Variants in ATP10A observed in about 807,000 individuals in gnomAD.
ATP10A encodes the protein ATPase phospholipid transporting 10A (putative), also known as phospholipid-transporting ATPase VA.
Under a neutral mutation model 147.8 loss-of-function variants are expected in ATP10A, and 111 were observed. That is an observed-to-expected ratio of 0.75 (90% CI 0.64 to 0.88). ATP10A has a LOEUF of 0.88. ATP10A is among the 40% of genes least tolerant of loss of function. The pLI is 0.00. For missense variants in ATP10A, 1,927 were observed against 1,959.0 expected, an observed-to-expected ratio of 0.98 and a Z score of 0.31; for synonymous variants, 875 against 841.6, an observed-to-expected ratio of 1.04 and a Z score of -0.69.
At chr15:25,826,360 G>A (rs952369251) in intron 1 of ATP10A, among the ~76,000 whole-genome samples, 1 of 152,200 alleles carries the variant, frequency 6.6e-6, no homozygotes, top group Non-Finnish European at 1.5e-5. Context: ...ATGAGTTTGA[G>A]ACCAACCTGA....
chr15:25,825,411 T>C (rs1892073378), intron 1 of ATP10A, among the ~76,000 whole-genome samples: 2 of 152,104 alleles, frequency 1.3e-5, no homozygotes, highest in Admixed American at 1.3e-4. Flanking sequence ...CTCAGAGCTA[T>C]GCATACACTC....
intron 1 of ATP10A, among the ~76,000 whole-genome samples, chr15:25,793,637 T>A (rs1890536335): frequency 6.6e-6 from 1 of 152,246 alleles, no homozygotes; most frequent in African/African-American, 2.4e-5. Context: ...GAGTGGTTAC[T>A]ATTTTGGTTA....
At chr15:25,865,046 A>T (rs1396628133), upstream of ATP10A, 1 of 152,244 alleles carries the variant, frequency 6.6e-6, no homozygotes, top group Non-Finnish European at 1.5e-5. Flanking sequence ...CCTGGTGCTT[A>T]CAAAGCCAAA....
chr15:25,792,907 G>C (rs564337958), intron 1 of ATP10A, among the ~76,000 whole-genome samples: 1 of 130,196 alleles, frequency 7.7e-6, no homozygotes, highest in South Asian at 2.4e-4. Flanking sequence ...TTTTGCTCTC[G>C]TTCCCCAGGC....
intron 1 of ATP10A, among the ~76,000 whole-genome samples, chr15:25,846,363 A>G (rs923210614): frequency 2.0e-5 from 3 of 152,242 alleles, no homozygotes; most frequent in Non-Finnish European, 2.9e-5. Context: ...AGCACAAGAT[A>G]GAACACGCTT....
At chr15:25,862,142 G>A in intron 1 of ATP10A, 1 of 394,170 alleles carries the variant, frequency 2.5e-6, no homozygotes, top group Non-Finnish European at 5.2e-6. Flanking sequence ...CTGGTACCTG[G>A]GCCGTGCCAG....
chr15:25,690,756 A>T (rs775284123), intron 15 of ATP10A, among the ~76,000 whole-genome samples: 2 of 152,230 alleles, frequency 1.3e-5, no homozygotes, highest in Admixed American at 6.5e-5. Flanking sequence ...AAGGTGCCAC[A>T]CTGGGCACTG....
At chr15:25,674,550 TA>T (rs1899100443), downstream of ATP10A, among the ~76,000 whole-genome samples, 1 of 152,176 alleles carries the variant, frequency 6.6e-6, no homozygotes, top group South Asian at 2.1e-4. Flanking sequence ...AATAAATAAA[TA>T]AAAAGAAACT....
At chr15:25,864,762 C>T (rs1893916182), upstream of ATP10A, among the ~76,000 whole-genome samples, 1 of 152,180 alleles carries the variant, frequency 6.6e-6, no homozygotes, top group South Asian at 2.1e-4. Context: ...AACGGAGCAT[C>T]AACTGCAAAT....
At chr15:25,811,433 T>G (rs1018967548) in intron 1 of ATP10A, among the ~76,000 whole-genome samples, 4 of 151,980 alleles carry the variant, frequency 2.6e-5, no homozygotes, top group African/African-American at 9.7e-5. Context: ...GAAGTAAGGA[T>G]GAGGAGACAA....
At chr15:25,732,672 CAG>C (rs1256244691) in intron 3 of ATP10A, among the ~76,000 whole-genome samples, 1 of 147,580 alleles carries the variant, frequency 6.8e-6, no homozygotes, top group African/African-American at 2.5e-5. Flanking sequence ...TCTCCTGCCT[CAG>C]CCACCCGAGT....
At position 25,699,067 on chromosome 15, in the gene ATP10A, G is replaced by C. The variant is rs747923982; in HGVS notation, c.2760+2849C>G. ...AAAATTCAAATAAAAGCTCCAGCAG[G>C]AATTTCTGAACAGAAAAATTAATTT... On this transcript the variant is annotated intron_variant, in intron 13 of 20. Transcript: ENST00000555815. Among the ~76,000 whole-genome samples, 11 of 152,224 alleles carry C rather than the reference G, an allele frequency of 7.2e-5. No individual in the cohort carries two copies. In the South Asian group the frequency reaches 1.0e-3, roughly 14 times the overall value.
At chr15:25,702,170 T>A in intron 12 of ATP10A, 70 bp from the exon 13 acceptor site, 1 of 1,465,708 alleles carries the variant, frequency 6.8e-7, no homozygotes, top group Non-Finnish European at 9.3e-7. Context: ...GGGGTGCAAA[T>A]GTCATGCACC....
Position 25,862,847 on chromosome 15 carries a change from G to C in ATP10A, c.250C>G (p.His84Asp). Residue 84 changes from histidine to aspartate, a missense_variant, in exon 1 of 21, where the codon CAC becomes GAC. Transcript: ENST00000555815. ...ACAAAGTACACGTTGGCCGGGCGGT[G>C]GAACTGCTCGAACAGGTTCTTGGGC... ...FLPKNLFEQF[H>D]RPANVYFVFI... The C allele has an allele frequency of 6.2e-7, 1 of 1,610,218 alleles. No homozygotes were observed. Among genetic ancestry groups the C allele is most frequent in the Non-Finnish European group, 8.5e-7 (1 of 1,178,376 alleles).
chr15:25,835,889 C>A (rs1481896321), intron 1 of ATP10A, among the ~76,000 whole-genome samples: 1 of 152,220 alleles, frequency 6.6e-6, no homozygotes, highest in Non-Finnish European at 1.5e-5. Flanking sequence ...TCTCGGCTCA[C>A]TGCCAGCTCT....
intron 9 of ATP10A, among the ~76,000 whole-genome samples, chr15:25,715,606 C>T (rs2140399901): frequency 6.6e-6 from 1 of 152,366 alleles, no homozygotes; most frequent in African/African-American, 2.4e-5. Context: ...GATGCTGAGG[C>T]AGCCAGGAGA....
intron 12 of ATP10A, among the ~76,000 whole-genome samples, chr15:25,703,525 T>C (rs1364884663): frequency 6.6e-6 from 1 of 152,140 alleles, no homozygotes; most frequent in East Asian, 1.9e-4. Context: ...CTCTAAGAAG[T>C]AAATGTCTGT....
At chr15:25,776,583 C>T (rs1426550433) in intron 2 of ATP10A, among the ~76,000 whole-genome samples, 1 of 152,206 alleles carries the variant, frequency 6.6e-6, no homozygotes, top group Non-Finnish European at 1.5e-5. Context: ...TCTTGGATAA[C>T]ATCCATTCAA....
At chr15:25,696,355 A>G (rs534694731) in intron 13 of ATP10A, among the ~76,000 whole-genome samples, 1 of 152,344 alleles carries the variant, frequency 6.6e-6, no homozygotes, top group East Asian at 1.9e-4. Context: ...GGAGATGGAT[A>G]GGAGAGGGAG....
Sources: gnomAD v4.1 joint callset for allele counts (sites outside exome capture counted in the v4.1 genomes callset) on GRCh38, gnomAD v4.1.1 for gene constraint, MANE v1.5 for transcripts, NCBI Gene and HGNC (gene_info 2026-07-23, HGNC 2026-07-21) for gene names.